Variants in MTMR7 observed in about 807,000 individuals in gnomAD.
MTMR7 encodes the protein phosphatidylinositol-3-phosphate phosphatase MTMR7.
Under a neutral mutation model 81.2 loss-of-function variants are expected in MTMR7, and 76 were observed. The ratio of observed to expected loss-of-function variants is 0.94; its 90% CI spans 0.78 to 1.13. The LOEUF is 1.13. Ranked by LOEUF, MTMR7 falls within the 50% of genes most tolerant of loss-of-function variation. The pLI, the probability that MTMR7 is intolerant of heterozygous loss-of-function variation, is 0.00. For missense variants in MTMR7, 1,044 were observed against 820.0 expected, an observed-to-expected ratio of 1.27 and a Z score of -3.34; for synonymous variants, 372 against 289.8, an observed-to-expected ratio of 1.28 and a Z score of -2.88.
At chr8:17,386,975 T>C (rs1193220011) in intron 1 of MTMR7, among the ~76,000 whole-genome samples, 1 of 152,182 alleles carries the variant, frequency 6.6e-6, no homozygotes, top group African/African-American at 2.4e-5. Context: ...GTAGTCACTC[T>C]AGATACACCC....
At chr8:17,332,029 A>T (rs1819027462) in intron 6 of MTMR7, among the ~76,000 whole-genome samples, 1 of 151,900 alleles carries the variant, frequency 6.6e-6, no homozygotes, top group Non-Finnish European at 1.5e-5. Context: ...GCGTGGCTAA[A>T]ATCAAGAAGG....
intron 5 of MTMR7, among the ~76,000 whole-genome samples, chr8:17,345,227 C>T (rs739336): frequency 0.084 from 12,724 of 152,260 alleles, 875 homozygotes; most frequent in East Asian, 0.32. Context: ...AAGTTCCCTG[C>T]CACGCTCTGC....
At position 17,379,834 on chromosome 8, in the gene MTMR7, G is replaced by GA. The variant is rs1177987503; in HGVS notation, c.25-6595dup. ...TTAATTAGGTAGTGAAGCACCACAG[G>GA]AAATAATCTCCAGGGATGGAGTGAA... On this transcript the variant is annotated intron_variant, in intron 1 of 13. Coordinates refer to ENST00000180173, the MANE Select transcript of MTMR7 (RefSeq NM_004686.5). Among the ~76,000 whole-genome samples, 4 of 152,158 alleles carry GA rather than the reference G, an allele frequency of 2.6e-5. No individual in the cohort carries two copies. The East Asian group carries it at 7.7e-4, about 29-fold the overall frequency.
chr8:17,308,350 G>A (rs934771549), intron 10 of MTMR7, among the ~76,000 whole-genome samples: 1 of 152,090 alleles, frequency 6.6e-6, no homozygotes, highest in Non-Finnish European at 1.5e-5. Context: ...ATGTTAAGAA[G>A]TTTATCTAAT....
chr8:17,377,110 T>G (rs1444142305), intron 1 of MTMR7, among the ~76,000 whole-genome samples: 3 of 152,134 alleles, frequency 2.0e-5, no homozygotes, highest in Non-Finnish European at 2.9e-5. Context: ...AGCCTATTCA[T>G]GCTGCTGTTA....
rs1214047586 is a variant in MTMR7, at chr8:17,361,277, G to T, written c.311-3C>A. On this transcript the variant is annotated splice_polypyrimidine_tract_variant and splice_region_variant and intron_variant, in intron 3 of 13. Coordinates refer to ENST00000180173, the MANE Select transcript of MTMR7 (RefSeq NM_004686.5). ...GCAGTATAACTCCTCATATTTCACT[G>T]CAAGAAAAGGTAGGATAAAGTTAAA... is the stretch of plus-strand genomic sequence containing the variant. 3.7e-6 allele frequency: 6 copies of T among 1,613,834 alleles called. No homozygotes were observed. Among genetic ancestry groups the T allele is most frequent in the Non-Finnish European group, 5.1e-6 (6 of 1,179,890 alleles).
intron 7 of MTMR7, among the ~76,000 whole-genome samples, chr8:17,316,965 G>C (rs1041540152): frequency 6.6e-6 from 1 of 152,182 alleles, no homozygotes; most frequent in Non-Finnish European, 1.5e-5. Flanking sequence ...GCTCTCACCA[G>C]TAGGTTGGGA....
In MTMR7 at chr8:17,329,973, C is replaced by T. The variant is rs116402036; in HGVS notation, c.865+1177G>A. Reference sequence around the variant, plus strand: ...GGAAGGGATTTCTGCTACAGAGGGGCATCAAACTGTCACAGCTGGAAGACC... The same window carrying T: ...GGAAGGGATTTCTGCTACAGAGGGGTATCAAACTGTCACAGCTGGAAGACC... On this transcript the variant is annotated intron_variant, in intron 7 of 13. Coordinates refer to ENST00000180173, the MANE Select transcript of MTMR7 (RefSeq NM_004686.5). Among the ~76,000 whole-genome samples, 574 of 152,264 alleles carry T rather than the reference C, an allele frequency of 3.8e-3. 3 individuals carry two copies. Among genetic ancestry groups the T allele is most frequent in the African/African-American group, 0.013 (531 of 41,558 alleles).
At chr8:17,402,145 A>G (rs1484411857) in intron 1 of MTMR7, among the ~76,000 whole-genome samples, 1 of 152,170 alleles carries the variant, frequency 6.6e-6, no homozygotes, top group Non-Finnish European at 1.5e-5. Flanking sequence ...TTTATGGAGT[A>G]TGTGAGATAC....
chr8:17,357,751 G>T (rs537836363), intron 4 of MTMR7, among the ~76,000 whole-genome samples: 2 of 152,292 alleles, frequency 1.3e-5, no homozygotes, highest in East Asian at 3.9e-4. Context: ...ATTGATGCTG[G>T]AGCAAGAGAC....
At chr8:17,345,218 A>C (rs1026880700) in intron 5 of MTMR7, among the ~76,000 whole-genome samples, 3 of 152,334 alleles carry the variant, frequency 2.0e-5, no homozygotes, top group African/African-American at 7.2e-5. Context: ...CCTCACTGCA[A>C]GTTCCCTGCC....
At position 17,313,386 on chromosome 8, in the gene MTMR7, G is replaced by C; in HGVS notation, c.881C>G (p.Ser294Cys). The C allele has an allele frequency of 1.9e-6, 3 of 1,610,744 alleles. No individual in the cohort carries two copies. Among genetic ancestry groups the C allele is most frequent in the African/African-American group, 1.3e-5 (1 of 75,026 alleles). ...CCACAGGAAATCACTCATGGAGGGA[G>C]ATTTAAGTTCACACACTGCAAGATA... ...QKMLEVCELK[S>C]PSMSDFLWGL... Residue 294 changes from serine to cysteine, a missense_variant, in exon 8 of 14, where the codon TCT becomes TGT. Coordinates refer to ENST00000180173, the MANE Select transcript of MTMR7 (RefSeq NM_004686.5).
Position 17,311,578 on chromosome 8 carries a change from G to A in MTMR7, c.1034C>T (p.Thr345Ile). Residue 345 changes from threonine to isoleucine, a missense_variant, in exon 9 of 14, where the codon ACC becomes ATC. By Grantham distance (89) the Thr-to-Ile change is moderately conservative (BLOSUM62 -1). Transcript: ENST00000180173. ...GCTTGCCACCGAGCACACCTGAGCG[G>A]TCCTGTCCCAGCCATCAGAACAGTG... is the stretch of plus-strand genomic sequence containing the variant. ...LVHCSDGWDR[T>I]AQVCSVASLL... 4 of 1,614,082 alleles carry A rather than the reference G, an allele frequency of 2.5e-6. No homozygotes were observed. Among genetic ancestry groups the A allele is most frequent in the Non-Finnish European group, 3.4e-6 (4 of 1,180,012 alleles).
intron 4 of MTMR7, among the ~76,000 whole-genome samples, chr8:17,356,550 A>C (rs183435292): frequency 3.9e-5 from 6 of 151,928 alleles, no homozygotes; most frequent in East Asian, 3.9e-4. Flanking sequence ...ACTACTAATA[A>C]TAATAATACA....
chr8:17,364,814 C>T (rs757333885), intron 3 of MTMR7, among the ~76,000 whole-genome samples: 2 of 152,170 alleles, frequency 1.3e-5, no homozygotes, highest in Non-Finnish European at 2.9e-5. Flanking sequence ...TCTCTTCATC[C>T]AATGATGGAT....
Position 17,321,394 on chromosome 8 carries a change from A to G in MTMR7, c.866-7993T>C, listed in dbSNP as rs1423198079. Among the ~76,000 whole-genome samples the G allele has an allele frequency of 3.1e-4, 47 of 152,240 alleles. 1 individual carries two copies. The highest frequency in any genetic ancestry group is 3.0e-3 in the Admixed American group (46 of 15,288). The stretch of plus-strand genomic sequence containing the variant: ...CAGCACTAACAAGGCTTCTTGTTCA[A>G]CATTTCTGTTTTCAGGAGCATTAAC... On this transcript the variant is annotated intron_variant, in intron 7 of 13. Transcript: ENST00000180173.
chr8:17,336,206 C>T (rs1386824617), intron 6 of MTMR7, among the ~76,000 whole-genome samples: 5 of 152,110 alleles, frequency 3.3e-5, no homozygotes, highest in Admixed American at 1.3e-4. Flanking sequence ...TTCCAGTACG[C>T]TCAACTTCCC....
At chr8:17,333,941 A>G (rs1188764054) in intron 6 of MTMR7, among the ~76,000 whole-genome samples, 1 of 152,234 alleles carries the variant, frequency 6.6e-6, no homozygotes, top group Non-Finnish European at 1.5e-5. Context: ...ACAGTCTACA[A>G]AAGTTAGAAT....
At chr8:17,389,646 A>T (rs1169645225) in intron 1 of MTMR7, among the ~76,000 whole-genome samples, 2 of 152,260 alleles carry the variant, frequency 1.3e-5, no homozygotes, top group African/African-American at 4.8e-5. Context: ...GGTAGAATTA[A>T]GTATGATTAA....
Sources: allele counts gnomAD v4.1 joint callset (sites outside exome capture counted in the v4.1 genomes callset), GRCh38; gene constraint gnomAD v4.1.1; transcripts MANE v1.5; gene names NCBI Gene and HGNC (gene_info 2026-07-23, HGNC 2026-07-21).